Variants in UIMC1 observed in about 807,000 individuals in gnomAD.
UIMC1 encodes ubiquitin interaction motif containing 1, also known as BRCA1-A complex subunit RAP80.
UIMC1 carries 42 observed loss-of-function variants against 84.9 expected under a neutral mutation model. That is an observed-to-expected ratio of 0.49 (90% CI 0.39 to 0.64). UIMC1 has a LOEUF of 0.64. Among genes scored for constraint, UIMC1 ranks in the 30% least tolerant of loss-of-function variants. The probability of loss-of-function intolerance (pLI) is 0.00; values close to 1 mark genes in which losing one functional copy is unlikely to be tolerated. For synonymous variants in UIMC1, 281 were observed against 293.0 expected, an observed-to-expected ratio of 0.96 and a Z score of 0.42; for missense variants, 825 against 847.6, an observed-to-expected ratio of 0.97 and a Z score of 0.33.
chr5:176,939,909 T>G (rs764277954), intron 10 of UIMC1, among the ~76,000 whole-genome samples: 5 of 152,218 alleles, frequency 3.3e-5, no homozygotes, highest in Non-Finnish European at 5.9e-5. Context: ...GACTTTCTAT[T>G]ATATCAAAAA....
intron 1 of UIMC1, among the ~76,000 whole-genome samples, chr5:177,017,313 C>T (rs1775693874): frequency 6.6e-6 from 1 of 152,184 alleles, no homozygotes; most frequent in Non-Finnish European, 1.5e-5. Context: ...ACTCAGATAC[C>T]ATTCTGATCC....
At chr5:177,021,012 G>A (rs143693462) in intron 1 of UIMC1, among the ~76,000 whole-genome samples, 1,793 of 152,312 alleles carry the variant, frequency 0.012, 13 homozygotes, top group South Asian at 0.025. Flanking sequence ...ACGCAAGGTG[G>A]CATGTGCCTG....
intron 9 of UIMC1, among the ~76,000 whole-genome samples, chr5:176,949,542 G>T (rs1765578840): frequency 6.6e-6 from 1 of 152,136 alleles, no homozygotes; most frequent in African/African-American, 2.4e-5. Context: ...CAATCCAGAG[G>T]CCATTTTGAC....
chr5:176,970,943 T>A, intron 3 of UIMC1, 77 bp from the exon 4 acceptor site: 2 of 1,537,378 alleles, frequency 1.3e-6, no homozygotes, highest in Non-Finnish European at 1.7e-6. Flanking sequence ...AGAGAATTAT[T>A]AAACTTTTCA....
intron 2 of UIMC1, among the ~76,000 whole-genome samples, chr5:176,976,545 C>T (rs1296681582): frequency 2.0e-5 from 3 of 152,104 alleles, no homozygotes; most frequent in Non-Finnish European, 4.4e-5. Context: ...TTACAAAAAC[C>T]GGAACCCTAG....
At chr5:176,970,058 G>A (rs1408030562) in intron 4 of UIMC1, 2 of 196,404 alleles carry the variant, frequency 1.0e-5, no homozygotes, top group African/African-American at 4.7e-5. Flanking sequence ...ATCACCTGAG[G>A]TCAGGAGTTC....
At chr5:176,956,426 G>C (rs533473512) in intron 7 of UIMC1, among the ~76,000 whole-genome samples, 2 of 152,170 alleles carry the variant, frequency 1.3e-5, no homozygotes, top group Non-Finnish European at 2.9e-5. Flanking sequence ...ACTGACAAGA[G>C]AAGACACAGA....
chr5:177,007,863 G>T (rs544462032), upstream of UIMC1, among the ~76,000 whole-genome samples: 1 of 152,220 alleles, frequency 6.6e-6, no homozygotes, highest in East Asian at 1.9e-4. Context: ...CCAGCACTTT[G>T]GGGGGCCAAG....
chr5:176,961,881 C>T (rs1767500518), intron 6 of UIMC1, among the ~76,000 whole-genome samples: 4 of 55,682 alleles, frequency 7.2e-5, no homozygotes, highest in African/African-American at 2.3e-4. Context: ...CCGCCCCGTC[C>T]GGGAGGGAGG....
chr5:176,965,148 G>A (rs1274127270), intron 6 of UIMC1, among the ~76,000 whole-genome samples: 2 of 152,140 alleles, frequency 1.3e-5, no homozygotes, highest in African/African-American at 2.4e-5. Flanking sequence ...GAAGCCAGGC[G>A]CGGTGGCTCA....
Position 176,991,594 on chromosome 5 carries a change from C to T in UIMC1, c.-8-8971G>A, listed in dbSNP as rs549670303. Among the ~76,000 whole-genome samples, 12 of 137,508 alleles carry T rather than the reference C, an allele frequency of 8.7e-5. No homozygotes were observed. In the South Asian group the frequency reaches 2.1e-3, roughly 24 times the overall value. 90.2% of individuals were successfully genotyped at this position (137,508 alleles called of 152,430 possible). A position where few individuals can be genotyped will look rare whatever the true frequency, so the allele number is the denominator to read the frequency against. On this transcript the variant is annotated intron_variant, in intron 1 of 14. Transcript: ENST00000511320. Reference sequence around the variant, plus strand: ...TTAGCCAGGCATGGTGGCACTATTGCATTCAAGCCTGGGCAACAAGAGTGA... The same window carrying T: ...TTAGCCAGGCATGGTGGCACTATTGTATTCAAGCCTGGGCAACAAGAGTGA...
intron 13 of UIMC1, 153 bp from the exon 14 acceptor site, chr5:176,906,200 G>A (rs1759346472): frequency 3.1e-6 from 2 of 647,340 alleles, no homozygotes; most frequent in East Asian, 2.8e-5. Flanking sequence ...CACAGACGGT[G>A]AGCATTAGTG....
Position 176,914,044 on chromosome 5 carries a change from T to TACCACACCACACCACACCAC in UIMC1, c.1598-2656_1598-2655insGTGGTGTGGTGTGGTGTGGT, listed in dbSNP as rs1554106274. ...ATACACCATACCATACCATACACCA[T>TACCACACCACACCACACCAC]ACCATACCATACCATACCATACCAT... On this transcript the variant is annotated intron_variant, in intron 10 of 14. Coordinates refer to ENST00000511320, the MANE Select transcript of UIMC1 (RefSeq NM_001199298.2). 4.1e-4 allele frequency among the ~76,000 whole-genome samples: 61 copies of TACCACACCACACCACACCAC among 147,434 alleles called. No homozygotes were observed. In the South Asian group the frequency reaches 6.4e-3, roughly 16 times the overall value.
At chr5:176,984,154 T>A (rs1771552490) in intron 1 of UIMC1, among the ~76,000 whole-genome samples, 1 of 107,448 alleles carries the variant, frequency 9.3e-6, no homozygotes, top group Non-Finnish European at 1.8e-5. Flanking sequence ...GGCCGCCCTG[T>A]CTGGGAAGTG....
At chr5:176,906,682 T>C (rs531691136) in intron 13 of UIMC1, among the ~76,000 whole-genome samples, 1 of 152,272 alleles carries the variant, frequency 6.6e-6, no homozygotes, top group African/African-American at 2.4e-5. Flanking sequence ...ACTCTACTGC[T>C]CCCTAAATAC....
upstream of UIMC1, among the ~76,000 whole-genome samples, chr5:177,008,429 A>G (rs993934694): frequency 6.6e-6 from 1 of 152,136 alleles, no homozygotes; most frequent in Admixed American, 6.6e-5. Context: ...AAGACTTGTG[A>G]GCTCTATGAA....
chr5:177,016,786 G>A (rs1055980393), intron 1 of UIMC1, among the ~76,000 whole-genome samples: 21 of 152,086 alleles, frequency 1.4e-4, no homozygotes, highest in African/African-American at 5.1e-4. Flanking sequence ...ACTTTGGGAG[G>A]CCGAGGCAGG....
intron 10 of UIMC1, among the ~76,000 whole-genome samples, chr5:176,921,257 C>A (rs763195202): frequency 2.1e-4 from 32 of 152,318 alleles, no homozygotes; most frequent in Non-Finnish European, 3.8e-4. Flanking sequence ...CTAAGGCTCA[C>A]TTTTCCATTT....
chr5:176,943,514 A>T (rs766082395), intron 9 of UIMC1, 26 bp from the exon 10 acceptor site: 7 of 1,611,602 alleles, frequency 4.3e-6, no homozygotes, highest in Admixed American at 1.7e-5. Flanking sequence ...AACAGCAATC[A>T]TAACAGCTTT....
Sources: allele counts gnomAD v4.1 joint callset (sites outside exome capture counted in the v4.1 genomes callset), GRCh38; gene constraint gnomAD v4.1.1; transcripts MANE v1.5; gene names NCBI Gene and HGNC (gene_info 2026-07-23, HGNC 2026-07-21).